Variants in PRKN observed in about 807,000 individuals in gnomAD.
PRKN encodes the protein parkin RBR E3 ubiquitin protein ligase, also known as E3 ubiquitin-protein ligase parkin.
In PRKN, 56 loss-of-function variants were observed where a neutral mutation model predicts 59.5. The observed-to-expected ratio is 0.94, with a 90% CI of 0.76 to 1.18. The LOEUF (loss-of-function observed/expected upper bound fraction) is 1.18, where lower values mean the gene tolerates loss of function less well. Among genes scored for constraint, PRKN ranks in the 50% most tolerant of loss-of-function variants. The pLI is 0.00. For missense variants in PRKN, 657 were observed against 596.4 expected, an observed-to-expected ratio of 1.10 and a Z score of -1.06; for synonymous variants, 250 against 222.1, an observed-to-expected ratio of 1.13 and a Z score of -1.12.
chr6:162,608,929 C>T (rs1782030545), intron 1 of PRKN, among the ~76,000 whole-genome samples: 1 of 152,072 alleles, frequency 6.6e-6, no homozygotes, highest in African/African-American at 2.4e-5. Flanking sequence ...GTCAGTAGCA[C>T]AGGGGAGAAA....
chr6:161,357,142 C>T lies in PRKN; in HGVS notation c.1285+2946G>A, dbSNP rs550921725. Among the ~76,000 whole-genome samples, 2 of 150,974 alleles carry T rather than the reference C, an allele frequency of 1.3e-5. No homozygotes were observed. Among genetic ancestry groups the T allele is most frequent in the African/African-American group, 2.4e-5 (1 of 41,040 alleles). On this transcript the variant is annotated intron_variant, in intron 11 of 11. Coordinates refer to ENST00000366898, the MANE Select transcript of PRKN (RefSeq NM_004562.3). The surrounding 1 kb of genome is among the most constrained non-coding windows in gnomAD (Gnocchi z 5.5). ...TCTCAGCTCACTGCAAATTCCGCCTCCCAGGTTCAAGTAATTCTCCTGCCT... is the reference window on the plus strand; with the variant it reads ...TCTCAGCTCACTGCAAATTCCGCCTTCCAGGTTCAAGTAATTCTCCTGCCT...
At chr6:162,013,895 C>T (rs1419067939) in intron 5 of PRKN, among the ~76,000 whole-genome samples, 1 of 152,050 alleles carries the variant, frequency 6.6e-6, no homozygotes, top group Non-Finnish European at 1.5e-5. Flanking sequence ...GCCATATTAT[C>T]TATTTGAAAT....
intron 6 of PRKN, among the ~76,000 whole-genome samples, chr6:161,819,890 G>A (rs752085523): frequency 1.1e-4 from 16 of 152,054 alleles, no homozygotes; most frequent in Non-Finnish European, 1.9e-4. Flanking sequence ...ATCAAAACTC[G>A]TAAGAGATAC....
chr6:162,296,635 C>T (rs138175113), intron 2 of PRKN, among the ~76,000 whole-genome samples: 16 of 152,188 alleles, frequency 1.1e-4, no homozygotes, highest in African/African-American at 3.4e-4. Flanking sequence ...CAAAAATGAA[C>T]GCACTTTAAA....
At chr6:161,569,842 G>A (rs1037494617) in intron 7 of PRKN, among the ~76,000 whole-genome samples, 2 of 152,098 alleles carry the variant, frequency 1.3e-5, no homozygotes, top group African/African-American at 4.8e-5. Context: ...CAAGGCCAGG[G>A]GCCTGCTCAT....
Position 161,354,675 on chromosome 6 carries a change from G to A in PRKN, c.1286-4464C>T, listed in dbSNP as rs564759371. On this transcript the variant is annotated intron_variant, in intron 11 of 11. Coordinates refer to ENST00000366898, the MANE Select transcript of PRKN (RefSeq NM_004562.3). This position sits in a 1 kb window ranked among gnomAD's most constrained non-coding sequence, Gnocchi z 6.7. Reference sequence around the variant, plus strand: ...AAGGGCATTCCTGAAACACAGCTGAGTATGTAACAGGCCACGAACCTTGGT... The same window carrying A: ...AAGGGCATTCCTGAAACACAGCTGAATATGTAACAGGCCACGAACCTTGGT... Among the ~76,000 whole-genome samples the A allele has an allele frequency of 5.3e-5, 8 of 152,306 alleles. No individual in the cohort carries two copies. The highest frequency in any genetic ancestry group is 4.1e-4 in the South Asian group (2 of 4,826).
intron 2 of PRKN, among the ~76,000 whole-genome samples, chr6:162,439,266 G>C (rs1789934953): frequency 6.6e-6 from 1 of 151,840 alleles, no homozygotes; most frequent in African/African-American, 2.4e-5. Flanking sequence ...ATAAAAAACA[G>C]GCCATTGTTG....
intron 5 of PRKN, among the ~76,000 whole-genome samples, chr6:161,982,309 C>T (rs942488345): frequency 1.4e-5 from 2 of 144,782 alleles, no homozygotes; most frequent in African/African-American, 5.3e-5. Flanking sequence ...GAATCAATAT[C>T]GTGAAAATGG....
intron 3 of PRKN, among the ~76,000 whole-genome samples, chr6:162,205,956 A>G (rs1784917868): frequency 6.6e-6 from 1 of 152,172 alleles, no homozygotes; most frequent in African/African-American, 2.4e-5. Context: ...TCTTCAACTG[A>G]CAACGCGGAG....
chr6:162,235,946 GAAGGAAGA>G (rs1224872714), intron 3 of PRKN, among the ~76,000 whole-genome samples: 4 of 80,780 alleles, frequency 5.0e-5, no homozygotes, highest in South Asian at 4.6e-4. Flanking sequence ...AGGAAGGAAG[GAAGGAAGA>G]AAGGAAGAAA....
chr6:162,188,827 A>G (rs1278096513), intron 4 of PRKN, among the ~76,000 whole-genome samples: 3 of 150,780 alleles, frequency 2.0e-5, no homozygotes, highest in Non-Finnish European at 1.5e-5. Context: ...GGGTGGAAAC[A>G]TTTAGGTCAG....
At chr6:161,623,075 A>C (rs1439084182) in intron 7 of PRKN, among the ~76,000 whole-genome samples, 1 of 152,222 alleles carries the variant, frequency 6.6e-6, no homozygotes, top group African/African-American at 2.4e-5. Flanking sequence ...GCCTGTTTCT[A>C]AGAAAAAGAT....
At chr6:161,899,286 G>T (rs954066359) in intron 6 of PRKN, among the ~76,000 whole-genome samples, 2 of 152,204 alleles carry the variant, frequency 1.3e-5, no homozygotes, top group Non-Finnish European at 2.9e-5. Flanking sequence ...GTTCCGATGA[G>T]AATTACAAAA....
intron 1 of PRKN, among the ~76,000 whole-genome samples, chr6:162,715,276 T>A (rs1778680448): frequency 1.3e-5 from 2 of 152,198 alleles, no homozygotes; most frequent in Non-Finnish European, 2.9e-5. Context: ...ACAAAGGTCT[T>A]CTCTCCTTTG....
intron 6 of PRKN, among the ~76,000 whole-genome samples, chr6:161,852,274 C>T (rs1201264492): frequency 6.6e-6 from 1 of 151,820 alleles, no homozygotes; most frequent in Non-Finnish European, 1.5e-5. Context: ...AGTGAGACTC[C>T]ATCTCTACAA....
chr6:162,178,113 AG>A (rs1254776370), intron 4 of PRKN, among the ~76,000 whole-genome samples: 1 of 152,192 alleles, frequency 6.6e-6, no homozygotes, highest in Admixed American at 6.5e-5. Flanking sequence ...AAAATCAAAA[AG>A]TTTCTGTGAA....
rs1789173109 is a variant in PRKN, at chr6:161,440,849, A to G, written c.1084-53972T>C. Among the ~76,000 whole-genome samples the G allele has an allele frequency of 6.6e-6, 1 of 152,196 alleles. No homozygotes were observed. The highest frequency in any genetic ancestry group is 2.4e-5 in the African/African-American group (1 of 41,440). ...TTTGTCTTCGAGAATATTAAAGACC[A>G]GCATCTCTCCAGAATACAAATAAGA... is the stretch of plus-strand genomic sequence containing the variant. On this transcript the variant is annotated intron_variant, in intron 9 of 11. Transcript: ENST00000366898. The surrounding 1 kb of genome is among the most constrained non-coding windows in gnomAD (Gnocchi z 4.1).
intron 2 of PRKN, among the ~76,000 whole-genome samples, chr6:162,274,513 A>G (rs1339031324): frequency 1.3e-5 from 2 of 152,114 alleles, no homozygotes; most frequent in Non-Finnish European, 2.9e-5. Context: ...TTAAGACATA[A>G]CTAATATATT....
chr6:161,581,886 G>A lies in PRKN; in HGVS notation c.872-12470C>T, dbSNP rs180731158. On this transcript the variant is annotated intron_variant, in intron 7 of 11. Coordinates refer to ENST00000366898, the MANE Select transcript of PRKN (RefSeq NM_004562.3). The surrounding 1 kb of genome is among the most constrained non-coding windows in gnomAD (Gnocchi z 4.5). ...ACCCACTCAATATTTACTGCGCAGA[G>A]AGCTGAGGACACACATTAATGAAAC... Among the ~76,000 whole-genome samples, 4 of 152,198 alleles carry A rather than the reference G, an allele frequency of 2.6e-5. No homozygotes were observed. The highest frequency in any genetic ancestry group is 1.5e-5 in the Non-Finnish European group (1 of 68,034).
Sources: gnomAD v4.1 joint callset for allele counts (sites outside exome capture counted in the v4.1 genomes callset) on GRCh38, gnomAD v4.1.1 for gene constraint, Gnocchi (gnomAD v3.1) non-coding constraint, MANE v1.5 for transcripts, NCBI Gene and HGNC (gene_info 2026-07-23, HGNC 2026-07-21) for gene names.